Variants in FRMD6 observed in about 807,000 individuals in gnomAD.
FRMD6 encodes FERM domain containing 6, also known as FERM domain-containing protein 6.
A neutral mutation model predicts 73.2 loss-of-function variants in FRMD6; 37 were observed. The ratio of observed to expected loss-of-function variants is 0.51; its 90% CI spans 0.39 to 0.66. The LOEUF is 0.66. Ranked by LOEUF, FRMD6 falls within the 30% of genes least tolerant of loss-of-function variation. The probability of loss-of-function intolerance (pLI) is 0.00; values close to 1 mark genes in which losing one functional copy is unlikely to be tolerated. For missense variants in FRMD6, 714 were observed against 780.5 expected, an observed-to-expected ratio of 0.91 and a Z score of 1.02; for synonymous variants, 273 against 282.2, an observed-to-expected ratio of 0.97 and a Z score of 0.33.
chr14:51,406,460 G>A, the FRMD6 span, among the ~76,000 whole-genome samples: 23 of 152,086 alleles, frequency 1.5e-4, no homozygotes, highest in Admixed American at 7.2e-4. Flanking sequence ...ATGAGCATGC[G>A]ATGTTTTCTA....
upstream of FRMD6, among the ~76,000 whole-genome samples, chr14:51,647,851 G>GT (rs1273671097): frequency 3.3e-5 from 5 of 152,082 alleles, no homozygotes; most frequent in African/African-American, 1.2e-4. Flanking sequence ...TTGAGATGGA[G>GT]TTTTGCTCTT....
intron 1 of FRMD6, among the ~76,000 whole-genome samples, chr14:51,490,757 A>G (rs1247172227): frequency 6.6e-6 from 1 of 152,134 alleles, no homozygotes; most frequent in Non-Finnish European, 1.5e-5. Context: ...TGGCCCAGTT[A>G]CCGAAACTGC....
intron 1 of FRMD6, among the ~76,000 whole-genome samples, chr14:51,569,330 C>CA (rs1024050157): frequency 2.6e-5 from 4 of 151,444 alleles, no homozygotes; most frequent in Non-Finnish European, 5.9e-5. Context: ...TTTGGAATGC[C>CA]AAAAAAAGAA....
At chr14:51,702,626 C>T (rs780376775) in intron 5 of FRMD6, 38 bp downstream of exon 5, 5 of 1,488,166 alleles carry the variant, frequency 3.4e-6, no homozygotes, top group Non-Finnish European at 4.7e-6. Flanking sequence ...GCTTTTTTTT[C>T]CCCCATAGCA....
chr14:51,464,278 G>A, the FRMD6 span, among the ~76,000 whole-genome samples: 1 of 152,144 alleles, frequency 6.6e-6, no homozygotes, highest in Admixed American at 6.5e-5. Context: ...GCTAATGGGT[G>A]CTGGGCTTAA....
chr14:51,400,459 T>A, the FRMD6 span, among the ~76,000 whole-genome samples: 2 of 152,214 alleles, frequency 1.3e-5, no homozygotes, highest in African/African-American at 4.8e-5. Flanking sequence ...TCATTACTAT[T>A]TTCTCCCCTA....
chr14:51,566,244 G>A (rs1253690970), intron 1 of FRMD6, among the ~76,000 whole-genome samples: 1 of 152,212 alleles, frequency 6.6e-6, no homozygotes, highest in Non-Finnish European at 1.5e-5. Context: ...TCCAGTACCA[G>A]CATGAAAAGT....
At chr14:51,518,498 C>T (rs181924289) in intron 1 of FRMD6, among the ~76,000 whole-genome samples, 1 of 152,140 alleles carries the variant, frequency 6.6e-6, no homozygotes, top group Non-Finnish European at 1.5e-5. Flanking sequence ...CTAATGTTCC[C>T]TGTAACTTTC....
chr14:51,642,518 A>G (rs1891860292), intron 2 of FRMD6, among the ~76,000 whole-genome samples: 1 of 152,216 alleles, frequency 6.6e-6, no homozygotes, highest in South Asian at 2.1e-4. Context: ...CCTGGGCGAC[A>G]AGAGAGAAAC....
chr14:51,472,719 T>C, the FRMD6 span, among the ~76,000 whole-genome samples: 1 of 151,062 alleles, frequency 6.6e-6, no homozygotes, highest in African/African-American at 2.4e-5. Flanking sequence ...GCCTCACAGC[T>C]GAAGCACCCT....
At chr14:51,538,326 G>A (rs1444120278) in intron 1 of FRMD6, among the ~76,000 whole-genome samples, 1 of 151,832 alleles carries the variant, frequency 6.6e-6, no homozygotes, top group African/African-American at 2.4e-5. Context: ...TATGATATGA[G>A]AATATTTTGT....
At chr14:51,701,885 A>C (rs1896347455) in intron 4 of FRMD6, among the ~76,000 whole-genome samples, 1 of 151,852 alleles carries the variant, frequency 6.6e-6, no homozygotes, top group South Asian at 2.1e-4. Flanking sequence ...TGCTTTGTCC[A>C]TTCATTGTAC....
intron 5 of FRMD6, among the ~76,000 whole-genome samples, chr14:51,704,358 T>C (rs1463196494): frequency 6.6e-6 from 1 of 152,158 alleles, no homozygotes; most frequent in Non-Finnish European, 1.5e-5. Context: ...TTTTTCCTTA[T>C]TTATGTCACG....
the FRMD6 span, among the ~76,000 whole-genome samples, chr14:51,416,023 T>C: frequency 1.3e-5 from 2 of 152,212 alleles, no homozygotes; most frequent in Non-Finnish European, 1.5e-5. Flanking sequence ...TTTTATTGCA[T>C]CTATTTGATT....
intron 1 of FRMD6, among the ~76,000 whole-genome samples, chr14:51,568,285 C>CTAAAGAAT (rs1163035551): frequency 6.6e-6 from 1 of 152,226 alleles, no homozygotes; most frequent in African/African-American, 2.4e-5. Flanking sequence ...ATAGGTCCAG[C>CTAAAGAAT]TAAAGAATGT....
the FRMD6 span, among the ~76,000 whole-genome samples, chr14:51,467,516 G>A: frequency 5.3e-5 from 8 of 151,844 alleles, no homozygotes; most frequent in Admixed American, 2.0e-4. Flanking sequence ...CAGGCAGAGG[G>A]GCTCCTCACT....
At chr14:51,634,324 G>T (rs1891460255) in intron 2 of FRMD6, among the ~76,000 whole-genome samples, 1 of 152,208 alleles carries the variant, frequency 6.6e-6, no homozygotes, top group South Asian at 2.1e-4. Context: ...TCAAGGGAAA[G>T]AACTTTGCCA....
chr14:51,651,802 G>GGGGTCTCA (rs1346685599), upstream of FRMD6: 6 of 127,682 alleles, frequency 4.7e-5, no homozygotes, highest in Admixed American at 4.5e-4. Flanking sequence ...GGTCGGGGGC[G>GGGGTCTCA]GGGTCTCAGG....
the FRMD6 span, among the ~76,000 whole-genome samples, chr14:51,470,579 T>G: frequency 6.6e-6 from 1 of 152,244 alleles, no homozygotes; most frequent in African/African-American, 2.4e-5. Context: ...ATTTTGGTTA[T>G]TTCTGCTCTT....
Sources: gnomAD v4.1 joint callset for allele counts (sites outside exome capture counted in the v4.1 genomes callset) on GRCh38, gnomAD v4.1.1 for gene constraint, MANE v1.5 for transcripts, NCBI Gene and HGNC (gene_info 2026-07-23, HGNC 2026-07-21) for gene names.